FBXO47: variants seen among roughly 807,000 people sequenced by gnomAD.
FBXO47 encodes F-box only protein 47.
FBXO47 carries 34 observed loss-of-function variants against 53.9 expected under a neutral mutation model. The ratio of observed to expected loss-of-function variants is 0.63; its 90% CI spans 0.48 to 0.84. The LOEUF is 0.84. FBXO47 is among the 40% of genes least tolerant of loss of function. The pLI, the probability that FBXO47 is intolerant of heterozygous loss-of-function variation, is 0.00. For synonymous variants in FBXO47, 165 were observed against 181.6 expected (o/e 0.91, Z 0.73); for missense variants, 485 against 541.3 (o/e 0.90, Z 1.03).
At chr17:38,945,694 T>A (rs140572064) in intron 6 of FBXO47, among the ~76,000 whole-genome samples, 1,960 of 151,856 alleles carry the variant, frequency 0.013, 52 homozygotes, top group African/African-American at 0.046. Flanking sequence ...CCCAGCACTT[T>A]GGGAGGCTGA....
At chr17:38,956,135 CAA>C (rs765171777) in intron 4 of FBXO47, among the ~76,000 whole-genome samples, 123 of 115,946 alleles carry the variant, frequency 1.1e-3, no homozygotes, top group African/African-American at 3.5e-3. Context: ...GACTCCATCT[CAA>C]AAAAAAAAAA....
At chr17:38,942,753 T>C (rs199649284) in intron 9 of FBXO47, 25 bp downstream of exon 9, 18 of 1,595,176 alleles carry the variant, frequency 1.1e-5, no homozygotes, top group Middle Eastern at 1.7e-4. Flanking sequence ...AAAAACTTGC[T>C]AGAGAAAAAC....
intron 6 of FBXO47, among the ~76,000 whole-genome samples, chr17:38,946,847 TATAAAAATATATATAA>T (rs1567717356): frequency 6.6e-5 from 7 of 105,812 alleles, no homozygotes; most frequent in African/African-American, 2.9e-4. Flanking sequence ...TATATAAACA[TATAAAAATATATATAA>T]ATATATAAAC....
intron 5 of FBXO47, among the ~76,000 whole-genome samples, chr17:38,951,994 T>A (rs572528525): frequency 6.6e-6 from 1 of 151,780 alleles, no homozygotes; most frequent in Admixed American, 6.6e-5. Context: ...GCCATTGCAC[T>A]CCAGCCTGGG....
intron 3 of FBXO47, among the ~76,000 whole-genome samples, chr17:38,959,206 T>A (rs1311832278): frequency 6.6e-6 from 1 of 152,088 alleles, no homozygotes; most frequent in Non-Finnish European, 1.5e-5. Context: ...CTAACTTTTT[T>A]AAAGTTCTTC....
intron 6 of FBXO47, among the ~76,000 whole-genome samples, chr17:38,946,317 T>TATATATAA (rs1361971293): frequency 1.1e-5 from 1 of 92,026 alleles, no homozygotes; most frequent in Non-Finnish European, 1.8e-5. Context: ...AATATATAAA[T>TATATATAA]ATATATAAAT....
chr17:38,941,869 C>T (rs553071998), intron 9 of FBXO47, among the ~76,000 whole-genome samples: 8 of 151,600 alleles, frequency 5.3e-5, no homozygotes, highest in Non-Finnish European at 8.8e-5. Context: ...AGACGGGTTT[C>T]GCCATGTTGA....
Position 38,945,958 on chromosome 17 carries a change from TATATATAA to T in FBXO47, c.617-830_617-823del, listed in dbSNP as rs1393615030. Among the ~76,000 whole-genome samples the T allele has an allele frequency of 3.0e-5, 4 of 131,256 alleles. No homozygotes were observed. The East Asian group carries it at 6.8e-4, about 22-fold the overall frequency. 86.1% of individuals were successfully genotyped at this position (131,256 alleles called of 152,430 possible). A position where few individuals can be genotyped will look rare whatever the true frequency, so the allele number is the denominator to read the frequency against. Reference sequence around the variant, plus strand: ...CTCAAAAAAAAAAAAAATATATATATATATATAAATATATAAATATATATACAAATATA... The same window carrying T: ...CTCAAAAAAAAAAAAAATATATATATATATATAAATATATATACAAATATA... On this transcript the variant is annotated intron_variant, in intron 6 of 10. Transcript: ENST00000378079.
chr17:38,946,917 C>T (rs1203732777), intron 6 of FBXO47, among the ~76,000 whole-genome samples: 1,108 of 101,506 alleles, frequency 0.011, 36 homozygotes, highest in African/African-American at 0.045. Flanking sequence ...TATATATAAA[C>T]ATATATAAAC....
intron 3 of FBXO47, 70 bp from the exon 4 acceptor site, chr17:38,957,323 A>G (rs920115478): frequency 1.9e-5 from 20 of 1,063,604 alleles, no homozygotes; most frequent in Admixed American, 5.3e-5. Context: ...AGCACAGAAT[A>G]ATGTTTCCTG....
chr17:38,940,189 G>C (rs912483220), intron 9 of FBXO47, among the ~76,000 whole-genome samples: 2 of 151,896 alleles, frequency 1.3e-5, no homozygotes, highest in African/African-American at 4.9e-5. Context: ...TATTTTGGGA[G>C]ATGACCTACT....
intron 6 of FBXO47, among the ~76,000 whole-genome samples, chr17:38,946,233 T>C (rs1209371336): frequency 9.2e-6 from 1 of 109,054 alleles, no homozygotes; most frequent in Non-Finnish European, 1.6e-5. Flanking sequence ...TATAAATATA[T>C]ACAAATATAT....
chr17:38,955,536 TG>T (rs1905510096), intron 4 of FBXO47, among the ~76,000 whole-genome samples: 1 of 151,848 alleles, frequency 6.6e-6, no homozygotes, highest in Non-Finnish European at 1.5e-5. Flanking sequence ...CTCTGCCTCC[TG>T]GGTTCAAGTG....
intron 6 of FBXO47, among the ~76,000 whole-genome samples, chr17:38,949,316 A>G (rs1029045029): frequency 1.3e-5 from 2 of 152,070 alleles, no homozygotes; most frequent in Non-Finnish European, 2.9e-5. Context: ...GCTACTCGGG[A>G]GGCTGAGGTT....
chr17:38,945,324 A>C (rs1034704251), intron 6 of FBXO47, among the ~76,000 whole-genome samples, 188 bp from the exon 7 acceptor site: 1 of 152,166 alleles, frequency 6.6e-6, no homozygotes, highest in African/African-American at 2.4e-5. Flanking sequence ...CTACTTACTT[A>C]CTTTTACCTT....
intron 8 of FBXO47, among the ~76,000 whole-genome samples, chr17:38,943,382 T>C (rs1904597771): frequency 6.6e-6 from 1 of 152,112 alleles, no homozygotes; most frequent in African/African-American, 2.4e-5. Flanking sequence ...ATAATAAATG[T>C]TTATTTATAA....
At chr17:38,938,783 G>A (rs1391256372) in intron 9 of FBXO47, 51 bp from the exon 10 acceptor site, 9 of 1,410,634 alleles carry the variant, frequency 6.4e-6, no homozygotes, top group African/African-American at 1.4e-5. Context: ...GAAAGCTATA[G>A]AATTTGAAAA....
In FBXO47 at chr17:38,953,998, A is replaced by G. The variant is rs1905432195; in HGVS notation, c.507+858T>C. Among the ~76,000 whole-genome samples, 2 of 152,094 alleles carry G rather than the reference A, an allele frequency of 1.3e-5. 1 individual carries two copies. The highest frequency in any genetic ancestry group is 4.1e-4 in the South Asian group (2 of 4,828). ...CACAAGGTTGTTGTAAATTTAAATT[A>G]GTTAATACATGTTGTCGGGTGTGGT... is the stretch of plus-strand genomic sequence containing the variant. On this transcript the variant is annotated intron_variant, in intron 5 of 10. Transcript: ENST00000378079.
In FBXO47 at chr17:38,962,016, G is replaced by C; in HGVS notation, c.213C>G (p.Ser71=). ...VKDISMLSMV[S]KTVSQHIINY... is the part of the protein sequence containing the mutation. The stretch of plus-strand genomic sequence containing the variant: ...TAATAATGTGTTGGCTGACTGTTTT[G>C]GACACCATGCTTAGCATGCTGATAT... Residue 71 remains serine, a synonymous_variant, in exon 3 of 11, where the codon TCC becomes TCG. Transcript: ENST00000378079. The C allele has an allele frequency of 6.2e-7, 1 of 1,613,380 alleles. No individual in the cohort carries two copies. Among genetic ancestry groups the C allele is most frequent in the African/African-American group, 1.3e-5 (1 of 74,974 alleles).
Sources: gnomAD v4.1 joint callset for allele counts (sites outside exome capture counted in the v4.1 genomes callset) on GRCh38, gnomAD v4.1.1 for gene constraint, MANE v1.5 for transcripts, NCBI Gene and HGNC (gene_info 2026-07-23, HGNC 2026-07-21) for gene names.